Variants in EXOSC10 observed in about 807,000 individuals in gnomAD.
The protein encoded by EXOSC10 is exosome complex component 10.
In EXOSC10, 94 loss-of-function variants were observed where a neutral mutation model predicts 126.6. The ratio of observed to expected loss-of-function variants is 0.74; its 90% CI spans 0.63 to 0.88. The LOEUF is 0.88. EXOSC10 is among the 40% of genes least tolerant of loss of function. The pLI, the probability that EXOSC10 is intolerant of heterozygous loss-of-function variation, is 0.00. For synonymous variants in EXOSC10, 395 were observed against 400.8 expected (o/e 0.99, Z 0.17); for missense variants, 1,041 against 1,100.5 (o/e 0.95, Z 0.77).
chr1:11,075,099 C>A (rs1343712013), intron 17 of EXOSC10, among the ~76,000 whole-genome samples: 1 of 152,112 alleles, frequency 6.6e-6, no homozygotes, highest in East Asian at 1.9e-4. Context: ...GTGGTGCCAT[C>A]TCTGCTCACT....
chr1:11,081,229 G>A lies in EXOSC10; in HGVS notation c.1290C>T (p.Pro430=), dbSNP rs751720907. The change falls in exon 11 of 25, where the codon CCC becomes CCT. Residue 430 remains proline (P), a synonymous_variant. Coordinates refer to ENST00000376936, the MANE Select transcript of EXOSC10 (RefSeq NM_001001998.3). ...QLADWRIRPL[P]EEMLSYARDD... Reference sequence around the variant, plus strand: ...CCCGGGCGTAGCTGAGCATCTCCTCGGGCAGAGGGCTGGAATTGCAGAGGA... The same window carrying A: ...CCCGGGCGTAGCTGAGCATCTCCTCAGGCAGAGGGCTGGAATTGCAGAGGA... 1.7e-5 allele frequency: 27 copies of A among 1,613,972 alleles called. No homozygotes were observed. The East Asian group carries it at 2.0e-4, about 12-fold the overall frequency.
intron 2 of EXOSC10, 105 bp from the exon 3 acceptor site, chr1:11,095,986 A>AAC: frequency 4.9e-6 from 6 of 1,229,862 alleles, no homozygotes; most frequent in Non-Finnish European, 5.6e-6. Context: ...TTCCCAACAC[A>AAC]TCTTTTTTTT....
chr1:11,081,298 C>A, intron 10 of EXOSC10, 60 bp from the exon 11 acceptor site: 1 of 1,592,176 alleles, frequency 6.3e-7, no homozygotes, highest in South Asian at 1.1e-5. Flanking sequence ...TTCAATTTGT[C>A]TATTCCTTGG....
Position 11,099,759 on chromosome 1 carries a change from C to A in EXOSC10, c.73G>T (p.Val25Leu), listed in dbSNP as rs1483115805. 1.9e-6 allele frequency: 3 copies of A among 1,612,162 alleles called. No individual in the cohort carries two copies. In the African/African-American group the frequency reaches 4.0e-5, roughly 22 times the overall value. Residue 25 changes from valine to leucine, a missense_variant, in exon 1 of 25, where the codon GTG (valine) becomes TTG (leucine). By Grantham distance (32) the Val-to-Leu change is conservative. Around this residue, in one of 3 missense-constraint regions of EXOSC10, gnomAD observed 645 missense variants for 656.3 expected, o/e 0.98. Coordinates refer to ENST00000376936, the MANE Select transcript of EXOSC10 (RefSeq NM_001001998.3). ...TCGGCGTCCGGGAAGCCTGGCAGCA[C>A]CATCTCTCCGTCGGATTTGGTTGCG... Reference protein sequence around the residue: ...TSATKSDGEMVLPGFPDADSF... With the variant: ...TSATKSDGEMLLPGFPDADSF...
In EXOSC10 at chr1:11,069,572, G is replaced by T; in HGVS notation, c.2475C>A (p.Phe825Leu). Reference protein sequence around the residue: ...FTPYDYSQSDFKAFAGNSKSK... With the variant: ...FTPYDYSQSDLKAFAGNSKSK... ...TTACTTCCTCACCAGCAAAAGCCTT[G>T]AAGTCTGACTGGCTGTAGTCGTAAG... The change falls in exon 22 of 25, where the codon TTC (phenylalanine) becomes TTA (leucine). Residue 825 changes from phenylalanine to leucine, a missense_variant. By Grantham distance (22) the Phe-to-Leu change is conservative. Around this residue, in one of 3 missense-constraint regions of EXOSC10, gnomAD observed 388 missense variants for 415.2 expected, o/e 0.93. Coordinates refer to ENST00000376936, the MANE Select transcript of EXOSC10 (RefSeq NM_001001998.3). 1 of 1,613,130 alleles carries T rather than the reference G, an allele frequency of 6.2e-7. No homozygotes were observed. Among genetic ancestry groups the T allele is most frequent in the African/African-American group, 1.3e-5 (1 of 74,796 alleles).
intron 16 of EXOSC10, 117 bp from the exon 17 acceptor site, chr1:11,077,065 C>T: frequency 1.3e-6 from 1 of 742,932 alleles, no homozygotes; most frequent in Non-Finnish European, 2.3e-6. Flanking sequence ...AATCTCGGCT[C>T]ACTGCAACCT....
At chr1:11,098,505 G>A (rs149135206) in intron 1 of EXOSC10, among the ~76,000 whole-genome samples, 55 of 152,320 alleles carry the variant, frequency 3.6e-4, no homozygotes, top group Non-Finnish European at 7.2e-4. Context: ...CTGAGAAACA[G>A]GAAAAATAAA....
At chr1:11,096,463 CTTTCTTTCTTTTTT>C (rs1204164208) in intron 2 of EXOSC10, among the ~76,000 whole-genome samples, 3 of 134,618 alleles carry the variant, frequency 2.2e-5, no homozygotes, top group African/African-American at 8.0e-5. Context: ...TTCTTTCTTT[CTTTCTTTCTTTTTT>C]TTTTTTTTTT....
At chr1:11,099,686 C>T in intron 1 of EXOSC10, 35 bp downstream of exon 1, 1 of 1,557,646 alleles carries the variant, frequency 6.4e-7, no homozygotes, top group Non-Finnish European at 8.7e-7. Context: ...CGGCCGCGGG[C>T]GACTCCTGGT....
At chr1:11,075,853 C>CCAAAAAAAAAAAA (rs1639782902) in intron 17 of EXOSC10, among the ~76,000 whole-genome samples, 1 of 35,122 alleles carries the variant, frequency 2.8e-5, no homozygotes, top group African/African-American at 1.3e-4. Context: ...GATCCTGTCA[C>CCAAAAAAAAAAAA]AAAAAAAAAA....
At chr1:11,082,649 C>T (rs1233989215) in intron 10 of EXOSC10, 39 bp downstream of exon 10, 5 of 1,609,908 alleles carry the variant, frequency 3.1e-6, no homozygotes, top group Non-Finnish European at 1.7e-6. Flanking sequence ...TAATCACTTT[C>T]TTCTGCCACC....
rs763220778 is a variant in EXOSC10, at chr1:11,098,145, C to A, written c.123G>T (p.Gly41=). Reference sequence around the variant, plus strand: ...ATGCCTTGGTGACTGCCACCACGGACCCAAGAGCAAACTGTCAAAAACAAG... The same window carrying A: ...ATGCCTTGGTGACTGCCACCACGGAACCAAGAGCAAACTGTCAAAAACAAG... ...DADSFVKFAL[G]SVVAVTKASG... is the part of the protein sequence containing the mutation. The change falls in exon 2 of 25, where the codon GGG becomes GGT. Residue 41 remains glycine, a synonymous_variant. Coordinates refer to ENST00000376936, the MANE Select transcript of EXOSC10 (RefSeq NM_001001998.3). The A allele has an allele frequency of 6.2e-7, 1 of 1,604,444 alleles. No homozygotes were observed. The highest frequency in any genetic ancestry group is 8.5e-7 in the Non-Finnish European group (1 of 1,177,526).
chr1:11,090,540 A>T lies in EXOSC10; in HGVS notation c.758+14T>A, dbSNP rs1189290968. 1 of 1,604,714 alleles carries T rather than the reference A, an allele frequency of 6.2e-7. No individual in the cohort carries two copies. The highest frequency in any genetic ancestry group is 1.3e-5 in the African/African-American group (1 of 74,750). ...GTACTCACGGCAGAAAGTCAGACAC[A>T]GGCCAACACTTACATGTCTTGCTCA... On this transcript the variant is annotated intron_variant, in intron 6 of 24. Transcript: ENST00000376936.
At chr1:11,088,597 T>C (rs1381845519) in intron 6 of EXOSC10, among the ~76,000 whole-genome samples, 1 of 152,258 alleles carries the variant, frequency 6.6e-6, no homozygotes, top group African/African-American at 2.4e-5. Context: ...CTTAATGTTA[T>C]ATTTTTTCTG....
rs1321516035 is a variant in EXOSC10, at chr1:11,077,368, T to C, written c.1876A>G (p.Ser626Gly). ...TCAGGAGGGCTCTCGACTTTACCAC[T>C]GGTTGGGATGATTGGATAGCCATCC... ...PPDGYPIIPTSGSVPVQKQAS... is the reference protein window; with the variant it reads ...PPDGYPIIPTGGSVPVQKQAS... The change falls in exon 16 of 25, where the codon AGT becomes GGT. Residue 626 changes from serine (S) to glycine (G), a missense_variant. Transcript: ENST00000376936. The C allele has an allele frequency of 2.0e-5, 32 of 1,609,446 alleles. No homozygotes were observed. The highest frequency in any genetic ancestry group is 2.6e-5 in the Non-Finnish European group (31 of 1,176,200).
chr1:11,087,723 T>G lies in EXOSC10; in HGVS notation c.945+77A>C, dbSNP rs775453421. The G allele has an allele frequency of 2.0e-6, 3 of 1,469,962 alleles. No homozygotes were observed. The African/African-American group carries it at 4.3e-5, about 21-fold the overall frequency. 91.1% of individuals were successfully genotyped at this position (1,469,962 alleles called of 1,614,324 possible). ...TTTTACCAAAAAAAATTACAATTAGTATTAATTTTATACTTCTCCAACAGG... is the reference window on the plus strand; with the variant it reads ...TTTTACCAAAAAAAATTACAATTAGGATTAATTTTATACTTCTCCAACAGG... On this transcript the variant is annotated intron_variant, in intron 8 of 24. Coordinates refer to ENST00000376936, the MANE Select transcript of EXOSC10 (RefSeq NM_001001998.3).
chr1:11,069,819 C>CTAT, intron 21 of EXOSC10, 89 bp from the exon 22 acceptor site: 7 of 1,410,710 alleles, frequency 5.0e-6, no homozygotes, highest in Non-Finnish European at 6.8e-6. Context: ...TGGGACCCAG[C>CTAT]TGCCTAAGTG....
In EXOSC10 at chr1:11,080,847, G is replaced by T; in HGVS notation, c.1503C>A (p.His501Gln). Residue 501 changes from histidine (H) to glutamine (Q), a missense_variant, in exon 12 of 25, where the codon CAC becomes CAA. Transcript: ENST00000376936. Reference protein sequence around the residue: ...YLELYRKQKKHLNTQQLTAFQ... With the variant: ...YLELYRKQKKQLNTQQLTAFQ... ...AGGCTGTCAACTGCTGTGTGTTAAG[G>T]TGCTTCTTCTGCTTCCTATAGAGTT... 1 of 1,614,056 alleles carries T rather than the reference G, an allele frequency of 6.2e-7. No individual in the cohort carries two copies. The highest frequency in any genetic ancestry group is 8.5e-7 in the Non-Finnish European group (1 of 1,180,012).
intron 2 of EXOSC10, among the ~76,000 whole-genome samples, chr1:11,096,486 T>TTTC (rs1641101805): frequency 2.0e-5 from 3 of 148,798 alleles, no homozygotes; most frequent in African/African-American, 7.4e-5. Flanking sequence ...TTTTTTTTTT[T>TTTC]TTTTTAAAGA....
Sources: gnomAD v4.1 joint callset for allele counts (sites outside exome capture counted in the v4.1 genomes callset) on GRCh38, gnomAD v4.1.1 for gene constraint, gnomAD v4.1.1 regional missense constraint, MANE v1.5 for transcripts, NCBI Gene and HGNC (gene_info 2026-07-23, HGNC 2026-07-21) for gene names.